Variants in WWOX observed in about 807,000 individuals in gnomAD.
WWOX encodes the protein WW domain-containing oxidoreductase.
WWOX carries 69 observed loss-of-function variants against 46.2 expected under a neutral mutation model. That is an observed-to-expected ratio of 1.49 (90% confidence interval 1.23 to 1.82). WWOX has a LOEUF of 1.82. WWOX is among the 40% of genes most tolerant of loss of function. The probability of loss-of-function intolerance (pLI) is 0.00; values close to 1 mark genes in which losing one functional copy is unlikely to be tolerated. For synonymous variants in WWOX, 359 were observed against 202.6 expected (o/e 1.77, Z -6.56); for missense variants, 919 against 542.6 (o/e 1.69, Z -6.89).
rs529301553 is a variant in WWOX, at chr16:78,368,070, CATT to C, written c.517-18787_517-18785del. ...CTGTGCCCGGCTTCTGCCAGCTTCTCATTATGATTTTTGAGCAGATTTCGCTGC... is the reference window on the plus strand; with the variant it reads ...CTGTGCCCGGCTTCTGCCAGCTTCTCATGATTTTTGAGCAGATTTCGCTGC... On this transcript the variant is annotated intron_variant, in intron 5 of 8. Transcript: ENST00000566780. Among the ~76,000 whole-genome samples the C allele has an allele frequency of 2.9e-4, 44 of 152,204 alleles. No individual in the cohort carries two copies. The South Asian group carries it at 4.8e-3, about 17-fold the overall frequency.
chr16:78,589,542 G>A (rs908618498), intron 8 of WWOX, among the ~76,000 whole-genome samples: 41 of 152,264 alleles, frequency 2.7e-4, no homozygotes, highest in African/African-American at 9.6e-4. Context: ...GGCAGAACCT[G>A]CAACTCTTCA....
intron 8 of WWOX, among the ~76,000 whole-genome samples, chr16:78,791,757 A>G (rs7186085): frequency 0.022 from 3,331 of 152,060 alleles, 117 homozygotes; most frequent in African/African-American, 0.075. Flanking sequence ...GCGCCTGCCT[A>G]TAATTGCAGC....
At chr16:78,148,181 A>G (rs2034273339) in intron 4 of WWOX, among the ~76,000 whole-genome samples, 1 of 152,224 alleles carries the variant, frequency 6.6e-6, no homozygotes, top group Admixed American at 6.5e-5. Context: ...AAAATAAAAA[A>G]GGCCAAACTT....
intron 8 of WWOX, among the ~76,000 whole-genome samples, chr16:78,654,677 G>A (rs2047041739): frequency 6.6e-6 from 1 of 151,964 alleles, no homozygotes; most frequent in South Asian, 2.1e-4. Flanking sequence ...GTGTGTGTGT[G>A]TATAAAATTA....
At chr16:79,084,064 C>A (rs2048810907) in intron 8 of WWOX, among the ~76,000 whole-genome samples, 1 of 152,138 alleles carries the variant, frequency 6.6e-6, no homozygotes, top group African/African-American at 2.4e-5. Flanking sequence ...CCATCGTGAA[C>A]TTCTTGATTT....
intron 8 of WWOX, among the ~76,000 whole-genome samples, chr16:78,519,685 A>T (rs770647190): frequency 6.6e-6 from 1 of 151,996 alleles, no homozygotes; most frequent in Non-Finnish European, 1.5e-5. Context: ...AATCCCCATG[A>T]ATGGGTTTAG....
chr16:78,313,511 A>G (rs1475190639), intron 5 of WWOX, among the ~76,000 whole-genome samples: 1 of 152,160 alleles, frequency 6.6e-6, no homozygotes, highest in South Asian at 2.1e-4. Context: ...GATTACAGGC[A>G]TGTGCCACCA....
chr16:78,219,523 A>G (rs1190529504), intron 5 of WWOX, among the ~76,000 whole-genome samples: 1 of 152,204 alleles, frequency 6.6e-6, no homozygotes, highest in Non-Finnish European at 1.5e-5. Flanking sequence ...CTTTAAATTG[A>G]TGCAACCCCA....
chr16:78,872,197 G>C (rs1274397095), intron 8 of WWOX, among the ~76,000 whole-genome samples: 1 of 152,186 alleles, frequency 6.6e-6, no homozygotes, highest in Non-Finnish European at 1.5e-5. Context: ...CATAGAACCA[G>C]GCTGCCTGGA....
chr16:79,073,270 C>G (rs947766061), intron 8 of WWOX, among the ~76,000 whole-genome samples: 2 of 151,920 alleles, frequency 1.3e-5, no homozygotes, highest in African/African-American at 2.4e-5. Flanking sequence ...ACCTCCACCT[C>G]TTGGGTTCAA....
intron 5 of WWOX, among the ~76,000 whole-genome samples, chr16:78,366,848 A>G (rs1206990704): frequency 6.6e-6 from 1 of 152,054 alleles, no homozygotes; most frequent in Non-Finnish European, 1.5e-5. Context: ...CTACACATAT[A>G]GAAACTGTTC....
chr16:78,320,635 G>A (rs1463670941), intron 5 of WWOX, among the ~76,000 whole-genome samples: 1 of 152,230 alleles, frequency 6.6e-6, no homozygotes, highest in African/African-American at 2.4e-5. Context: ...ACAGCAGGCT[G>A]CACCTAGGGG....
In WWOX at chr16:78,126,047, C is replaced by T. The variant is rs187859222; in HGVS notation, c.409+10893C>T. Among the ~76,000 whole-genome samples, 8 of 152,206 alleles carry T rather than the reference C, an allele frequency of 5.3e-5. No individual in the cohort carries two copies. The East Asian group carries it at 7.7e-4, about 15-fold the overall frequency. On this transcript the variant is annotated intron_variant, in intron 4 of 8. Transcript: ENST00000566780. Reference sequence around the variant, plus strand: ...ATTGTAAGCATGTTTTCCCTTCTTTCGTGATTTTTCTATTTAAATTGTGAT... The same window carrying T: ...ATTGTAAGCATGTTTTCCCTTCTTTTGTGATTTTTCTATTTAAATTGTGAT...
chr16:78,198,248 C>T (rs1417611972), intron 5 of WWOX, among the ~76,000 whole-genome samples: 2 of 152,006 alleles, frequency 1.3e-5, no homozygotes, highest in African/African-American at 2.4e-5. Context: ...AGGACATCCC[C>T]AGCATTCAAA....
intron 5 of WWOX, among the ~76,000 whole-genome samples, chr16:78,171,079 A>G (rs2035141375): frequency 6.6e-6 from 1 of 152,212 alleles, no homozygotes; most frequent in South Asian, 2.1e-4. Context: ...TGACTTTAAC[A>G]TTATTTTCAG....
Position 79,171,211 on chromosome 16 carries a change from G to C in WWOX, c.1057-40397G>C, listed in dbSNP as rs1321932806. 5.3e-5 allele frequency among the ~76,000 whole-genome samples: 8 copies of C among 152,178 alleles called. No homozygotes were observed. The South Asian group carries it at 1.4e-3, about 28-fold the overall frequency. On this transcript the variant is annotated intron_variant, in intron 8 of 8. Transcript: ENST00000566780. ...GATAATTACAACATAGGGACACCCG[G>C]GGAAAATGTAGACGAGGTTTAGGGG...
chr16:78,432,912 T>G (rs567067172), intron 8 of WWOX, among the ~76,000 whole-genome samples, 160 bp downstream of exon 8: 5 of 152,306 alleles, frequency 3.3e-5, no homozygotes, highest in Admixed American at 3.3e-4. Context: ...TCATCAACTT[T>G]AGGTTAAGTC....
intron 8 of WWOX, among the ~76,000 whole-genome samples, chr16:79,149,204 C>G (rs1340363016): frequency 1.3e-5 from 2 of 152,154 alleles, no homozygotes; most frequent in African/African-American, 4.8e-5. Flanking sequence ...TGAAGTGATT[C>G]TTCTCAATTC....
At chr16:78,745,667 C>A (rs761220356) in intron 8 of WWOX, among the ~76,000 whole-genome samples, 14 of 151,364 alleles carry the variant, frequency 9.2e-5, no homozygotes, top group Admixed American at 6.6e-5. Context: ...TGTTTTTCAG[C>A]ACATAAATTT....
Sources: gnomAD v4.1 joint callset for allele counts (sites outside exome capture counted in the v4.1 genomes callset) on GRCh38, gnomAD v4.1.1 for gene constraint, MANE v1.5 for transcripts, NCBI Gene and HGNC (gene_info 2026-07-23, HGNC 2026-07-21) for gene names.